MRAP2: variants seen among roughly 807,000 people sequenced by gnomAD.
MRAP2 encodes the protein melanocortin-2 receptor accessory protein 2.
A neutral mutation model predicts 17.4 loss-of-function variants in MRAP2; 20 were observed. That is an observed-to-expected ratio of 1.15 (90% confidence interval 0.81 to 1.67). The LOEUF (loss-of-function observed/expected upper bound fraction) is 1.67. MRAP2 is among the 40% of genes most tolerant of loss of function. The pLI, the probability that MRAP2 is intolerant of heterozygous loss-of-function variation, is 0.00. For missense variants in MRAP2, 238 were observed against 240.0 expected (o/e 0.99, Z 0.05); for synonymous variants, 96 against 88.4 (o/e 1.09, Z -0.48).
At chr6:84,046,780 CAAAAAAAAAA>C (rs756963425) in intron 1 of MRAP2, among the ~76,000 whole-genome samples, 4 of 23,154 alleles carry the variant, frequency 1.7e-4, no homozygotes, top group African/African-American at 5.6e-4. Context: ...AACTCCATCT[CAAAAAAAAAA>C]AAAAAAAAAA....
At chr6:84,109,142 C>G in the MRAP2 span, among the ~76,000 whole-genome samples, 1 of 152,008 alleles carries the variant, frequency 6.6e-6, no homozygotes, top group Non-Finnish European at 1.5e-5. Context: ...TTAGGATTGT[C>G]TTGGCTTTTT....
chr6:84,107,537 C>T, the MRAP2 span, among the ~76,000 whole-genome samples: 4 of 152,146 alleles, frequency 2.6e-5, no homozygotes, highest in Non-Finnish European at 5.9e-5. Context: ...CAATGTGATA[C>T]CTTGTGAAAG....
chr6:84,065,514 G>A (rs1053272455), intron 3 of MRAP2, among the ~76,000 whole-genome samples: 2 of 152,160 alleles, frequency 1.3e-5, no homozygotes, highest in African/African-American at 4.8e-5. Context: ...GTTAAGAAAA[G>A]CCTAGAATAA....
chr6:84,145,094 C>T, the MRAP2 span, among the ~76,000 whole-genome samples: 23 of 152,054 alleles, frequency 1.5e-4, no homozygotes, highest in Non-Finnish European at 2.6e-4. Context: ...GACTTTCTGA[C>T]GCCAATAAAG....
chr6:84,073,196 A>G (rs2129171237), intron 3 of MRAP2, among the ~76,000 whole-genome samples: 1 of 152,208 alleles, frequency 6.6e-6, no homozygotes, highest in Middle Eastern at 3.4e-3. Context: ...CCCTGCCTAT[A>G]TATTCCTATG....
At chr6:84,137,273 T>C in the MRAP2 span, among the ~76,000 whole-genome samples, 2 of 152,214 alleles carry the variant, frequency 1.3e-5, no homozygotes, top group African/African-American at 4.8e-5. Flanking sequence ...TGTGGCCTTA[T>C]GGTTGTTGTG....
chr6:84,094,409 C>T (rs1011736033), downstream of MRAP2, among the ~76,000 whole-genome samples: 2 of 152,126 alleles, frequency 1.3e-5, no homozygotes, highest in African/African-American at 4.8e-5. Flanking sequence ...TTTCTTTCCT[C>T]TTGCATTTTA....
At chr6:84,039,087 C>T (rs2099486863) in intron 1 of MRAP2, among the ~76,000 whole-genome samples, 2 of 152,146 alleles carry the variant, frequency 1.3e-5, no homozygotes, top group African/African-American at 4.8e-5. Flanking sequence ...ATGTTTACTT[C>T]CCCAGAGTGC....
chr6:84,125,859 C>G, the MRAP2 span, among the ~76,000 whole-genome samples: 3 of 152,086 alleles, frequency 2.0e-5, no homozygotes, highest in Non-Finnish European at 4.4e-5. Context: ...GTTATGTCAG[C>G]CCAAGCAGAC....
At chr6:84,091,493 A>G (rs2099501785), downstream of MRAP2, among the ~76,000 whole-genome samples, 1 of 152,092 alleles carries the variant, frequency 6.6e-6, no homozygotes, top group Non-Finnish European at 1.5e-5. Flanking sequence ...TGGCCTCCCA[A>G]AGTGCTGGGA....
chr6:84,075,361 T>G (rs984597458), intron 3 of MRAP2, among the ~76,000 whole-genome samples: 6 of 152,214 alleles, frequency 3.9e-5, no homozygotes, highest in Non-Finnish European at 7.3e-5. Flanking sequence ...AAGACTGTTA[T>G]AAAGCTGACA....
At chr6:84,120,568 T>G in the MRAP2 span, among the ~76,000 whole-genome samples, 2 of 152,176 alleles carry the variant, frequency 1.3e-5, no homozygotes, top group Non-Finnish European at 2.9e-5. Context: ...TTATGGATCT[T>G]TATATATAGA....
chr6:84,048,218 C>CT (rs1281081016), intron 1 of MRAP2, among the ~76,000 whole-genome samples: 1 of 152,062 alleles, frequency 6.6e-6, no homozygotes, highest in Non-Finnish European at 1.5e-5. Flanking sequence ...GCGGCTGTAC[C>CT]TTTTTACCTT....
the MRAP2 span, among the ~76,000 whole-genome samples, chr6:84,122,374 AAAG>A: frequency 1.3e-3 from 200 of 149,576 alleles, no homozygotes; most frequent in African/African-American, 4.8e-3. Context: ...AAAAAAAAAA[AAAG>A]CATCATGATC....
the MRAP2 span, among the ~76,000 whole-genome samples, chr6:84,139,980 C>T: frequency 9.5e-6 from 1 of 104,866 alleles, no homozygotes; most frequent in African/African-American, 1.2e-4. Context: ...TTTAGACAAA[C>T]TTTGCTGTGG....
At chr6:84,041,882 T>C (rs1026560208) in intron 1 of MRAP2, among the ~76,000 whole-genome samples, 3 of 152,214 alleles carry the variant, frequency 2.0e-5, no homozygotes, top group Admixed American at 1.3e-4. Flanking sequence ...TTTGAGTTAA[T>C]GCTGGAATGA....
downstream of MRAP2, among the ~76,000 whole-genome samples, chr6:84,091,448 T>C (rs977266832): frequency 6.6e-6 from 1 of 152,054 alleles, no homozygotes; most frequent in African/African-American, 2.4e-5. Flanking sequence ...GCCAGGCTGG[T>C]CTCGAACTCC....
At chr6:84,044,217 G>A (rs959195612) in intron 1 of MRAP2, among the ~76,000 whole-genome samples, 5 of 152,024 alleles carry the variant, frequency 3.3e-5, no homozygotes, top group African/African-American at 1.2e-4. Context: ...ACAGAGTTTC[G>A]CTCTTGTTGC....
the MRAP2 span, among the ~76,000 whole-genome samples, chr6:84,134,917 T>TACACACAC: frequency 3.3e-4 from 24 of 73,488 alleles, no homozygotes; most frequent in Admixed American, 1.3e-3. Context: ...AAAGATCATA[T>TACACACAC]ATACACACAC....
Sources: allele counts gnomAD v4.1 joint callset (sites outside exome capture counted in the v4.1 genomes callset), GRCh38; gene constraint gnomAD v4.1.1; transcripts MANE v1.5; gene names NCBI Gene and HGNC (gene_info 2026-07-23, HGNC 2026-07-21).